IPP: variants seen among roughly 807,000 people sequenced by gnomAD.
The protein encoded by IPP is actin-binding protein IPP.
Under a neutral mutation model 64.1 loss-of-function variants are expected in IPP, and 41 were observed. The observed-to-expected ratio is 0.64, with a 90% CI of 0.50 to 0.83. The LOEUF (loss-of-function observed/expected upper bound fraction) is 0.83, where lower values mean the gene tolerates loss of function less well. Ranked by LOEUF, IPP falls within the 40% of genes least tolerant of loss-of-function variation. The probability of loss-of-function intolerance (pLI) is 0.00; values close to 1 mark genes in which losing one functional copy is unlikely to be tolerated. For missense variants in IPP, 649 were observed against 703.0 expected (o/e 0.92, Z 0.87); for synonymous variants, 214 against 235.2 (o/e 0.91, Z 0.83).
At chr1:45,736,401 A>T (rs1026591261) in intron 3 of IPP, among the ~76,000 whole-genome samples, 1 of 152,176 alleles carries the variant, frequency 6.6e-6, no homozygotes, top group Non-Finnish European at 1.5e-5. Context: ...AAATTATTTC[A>T]GTTGTAAGTA....
intron 2 of IPP, among the ~76,000 whole-genome samples, chr1:45,743,099 A>C (rs1391445395): frequency 1.3e-5 from 2 of 151,404 alleles, no homozygotes; most frequent in African/African-American, 4.9e-5. Flanking sequence ...CACCATAACC[A>C]GCTAATTTTT....
chr1:45,718,250 A>G (rs1645686846), intron 6 of IPP, among the ~76,000 whole-genome samples: 2 of 152,364 alleles, frequency 1.3e-5, no homozygotes, highest in South Asian at 4.1e-4. Context: ...GCTTAATTAA[A>G]ATAATGAGAT....
intron 4 of IPP, among the ~76,000 whole-genome samples, chr1:45,729,167 G>C (rs1291027240): frequency 1.3e-5 from 2 of 149,170 alleles, no homozygotes; most frequent in Admixed American, 6.7e-5. Context: ...AAAAGAAGAA[G>C]TTGTAATATG....
At chr1:45,700,221 G>C in intron 8 of IPP, 31 bp from the exon 9 acceptor site, 6 of 1,590,314 alleles carry the variant, frequency 3.8e-6, no homozygotes, top group Non-Finnish European at 4.3e-6. Flanking sequence ...AAATATGTTA[G>C]CAGTGTTATG....
At chr1:45,708,763 G>A (rs1220858061) in intron 8 of IPP, among the ~76,000 whole-genome samples, 3 of 151,062 alleles carry the variant, frequency 2.0e-5, no homozygotes, top group Non-Finnish European at 2.9e-5. Context: ...TGAACGCGGT[G>A]GCTCATGCCT....
chr1:45,743,296 G>A (rs1646091672), intron 2 of IPP, among the ~76,000 whole-genome samples: 2 of 150,046 alleles, frequency 1.3e-5, no homozygotes, highest in Admixed American at 6.6e-5. Context: ...AGAGTACAGT[G>A]GCATGGTCTC....
At chr1:45,746,936 T>C (rs1646142264) in intron 1 of IPP, among the ~76,000 whole-genome samples, 1 of 152,188 alleles carries the variant, frequency 6.6e-6, no homozygotes. Context: ...AAGACTCTGT[T>C]CAAATATAAC....
At chr1:45,720,256 A>C (rs1393201968) in intron 5 of IPP, among the ~76,000 whole-genome samples, 1 of 152,080 alleles carries the variant, frequency 6.6e-6, no homozygotes, top group Non-Finnish European at 1.5e-5. Context: ...AGAATTTTAA[A>C]ATAAGATATT....
intron 5 of IPP, among the ~76,000 whole-genome samples, chr1:45,720,759 A>G (rs1395183888): frequency 1.3e-5 from 2 of 152,214 alleles, no homozygotes; most frequent in African/African-American, 4.8e-5. Flanking sequence ...GGGAAACAAC[A>G]ATCTTTCATG....
intron 3 of IPP, among the ~76,000 whole-genome samples, chr1:45,730,194 A>G (rs1269476545): frequency 6.6e-6 from 1 of 152,096 alleles, no homozygotes; most frequent in African/African-American, 2.4e-5. Flanking sequence ...GCTACAAAAA[A>G]TACAAAAATT....
intron 8 of IPP, among the ~76,000 whole-genome samples, chr1:45,708,616 T>C (rs1411308802): frequency 2.0e-5 from 3 of 147,890 alleles, no homozygotes; most frequent in Non-Finnish European, 4.5e-5. Context: ...GAGGCAGACA[T>C]TGCAGTGAGC....
intron 8 of IPP, among the ~76,000 whole-genome samples, chr1:45,708,418 T>C (rs1557739489): frequency 1.4e-5 from 2 of 148,138 alleles, no homozygotes; most frequent in Admixed American, 6.7e-5. Context: ...GTGGCTCACA[T>C]CTGTAATCCC....
Position 45,724,888 on chromosome 1 carries a change from G to C in IPP, c.1048+2743C>G, listed in dbSNP as rs1424644596. 4.2e-5 allele frequency among the ~76,000 whole-genome samples: 6 copies of C among 143,226 alleles called. No individual in the cohort carries two copies. The South Asian group carries it at 9.0e-4, about 22-fold the overall frequency. The allele number at this position is 143,226 out of a possible 152,430, so 94.0% of individuals were successfully genotyped here. On this transcript the variant is annotated intron_variant, in intron 5 of 8. Coordinates refer to ENST00000396478, the MANE Select transcript of IPP (RefSeq NM_005897.3). ...CAGCCACCCCGTCGGGGAGGGAGGTGGGGGGGGTCAGCCCCCCGCCCGGCC... is the reference window on the plus strand; with the variant it reads ...CAGCCACCCCGTCGGGGAGGGAGGTCGGGGGGGTCAGCCCCCCGCCCGGCC...
chr1:45,716,034 C>T (rs1645653879), intron 7 of IPP, among the ~76,000 whole-genome samples: 1 of 152,086 alleles, frequency 6.6e-6, no homozygotes, highest in Admixed American at 6.6e-5. Context: ...ATCAGCTCTC[C>T]AATCCTACAC....
At chr1:45,694,501 C>T (rs151042816), downstream of IPP, 2,343 of 1,537,494 alleles carry the variant, frequency 1.5e-3, 70 homozygotes, top group Admixed American at 0.041. Context: ...CGGAAAACCT[C>T]GTATCTGTGA....
At chr1:45,732,671 T>C (rs1645926913) in intron 3 of IPP, among the ~76,000 whole-genome samples, 1 of 151,962 alleles carries the variant, frequency 6.6e-6, no homozygotes, top group Admixed American at 6.6e-5. Flanking sequence ...TTTATTTATT[T>C]ATTTATTTAT....
At chr1:45,743,414 CAAA>C (rs34696589) in intron 2 of IPP, among the ~76,000 whole-genome samples, 1 of 142,536 alleles carries the variant, frequency 7.0e-6, no homozygotes, top group Non-Finnish European at 1.5e-5. Context: ...GACTCCGCCT[CAAA>C]AAAAAAAAAA....
intron 5 of IPP, among the ~76,000 whole-genome samples, chr1:45,724,191 C>T (rs1645772708): frequency 1.3e-5 from 2 of 152,138 alleles, no homozygotes; most frequent in Admixed American, 6.6e-5. Context: ...GCTGTGTTGG[C>T]CGGGCTGGTC....
At chr1:45,707,790 G>C (rs1194708808) in intron 8 of IPP, among the ~76,000 whole-genome samples, 2 of 152,006 alleles carry the variant, frequency 1.3e-5, no homozygotes, top group Non-Finnish European at 2.9e-5. Flanking sequence ...GAGAATATTT[G>C]AAAAAATATG....
Sources: allele counts gnomAD v4.1 joint callset (sites outside exome capture counted in the v4.1 genomes callset), GRCh38; gene constraint gnomAD v4.1.1; transcripts MANE v1.5; gene names NCBI Gene and HGNC (gene_info 2026-07-23, HGNC 2026-07-21).